SPATA19: variants seen among roughly 807,000 people sequenced by gnomAD.
The protein encoded by SPATA19 is spermatogenesis-associated protein 19, mitochondrial.
In SPATA19, 19 loss-of-function variants were observed where a neutral mutation model predicts 25.0. The observed-to-expected ratio is 0.76, with a 90% CI of 0.53 to 1.11. The LOEUF (loss-of-function observed/expected upper bound fraction) is 1.11. Among genes scored for constraint, SPATA19 ranks in the 50% most tolerant of loss-of-function variants. SPATA19 has a pLI of 0.00. For missense variants in SPATA19, 222 were observed against 211.4 expected (o/e 1.05, Z -0.31); for synonymous variants, 64 against 69.3 (o/e 0.92, Z 0.38).
At chr11:133,841,878 G>A (rs1215587238) in intron 6 of SPATA19, among the ~76,000 whole-genome samples, 152 bp downstream of exon 6, 6 of 152,182 alleles carry the variant, frequency 3.9e-5, no homozygotes, top group Non-Finnish European at 8.8e-5. Context: ...AAGGCAGCCA[G>A]CCCTCCTCTC....
chr11:133,838,043 G>A (rs117131838), downstream of SPATA19, among the ~76,000 whole-genome samples: 2,668 of 152,196 alleles, frequency 0.018, 31 homozygotes, highest in Admixed American at 0.026. Flanking sequence ...CCTATTTACC[G>A]CAGCTCCTTT....
At chr11:133,838,211 G>T (rs562852448), downstream of SPATA19, among the ~76,000 whole-genome samples, 20 of 152,278 alleles carry the variant, frequency 1.3e-4, no homozygotes, top group Non-Finnish European at 2.5e-4. Context: ...ATATGCTAAG[G>T]GCTCTAATGG....
intron 3 of SPATA19, 65 bp downstream of exon 3, chr11:133,844,444 G>A (rs919507697): frequency 4.3e-6 from 7 of 1,612,194 alleles, no homozygotes; most frequent in Non-Finnish European, 5.9e-6. Flanking sequence ...CATTTACGGT[G>A]CACCTCCCAC....
chr11:133,843,199 A>T (rs55801927), intron 4 of SPATA19, among the ~76,000 whole-genome samples: 1 of 151,924 alleles, frequency 6.6e-6, no homozygotes, highest in Non-Finnish European at 1.5e-5. Flanking sequence ...AAAGCTTAAA[A>T]CTAGTTTTTT....
At chr11:133,843,128 A>G (rs977400699) in intron 4 of SPATA19, among the ~76,000 whole-genome samples, 18 of 152,224 alleles carry the variant, frequency 1.2e-4, no homozygotes, top group Admixed American at 1.0e-3. Flanking sequence ...AAATCTTTGT[A>G]GAAAATCCAG....
chr11:133,842,660 C>T (rs747870896), intron 4 of SPATA19, 98 bp from the exon 5 acceptor site: 2 of 939,128 alleles, frequency 2.1e-6, no homozygotes, highest in Non-Finnish European at 3.5e-6. Flanking sequence ...AACAATGACT[C>T]TTGCCCTGAC....
At chr11:133,844,417 T>A in intron 3 of SPATA19, 80 bp from the exon 4 acceptor site, 1 of 1,611,042 alleles carries the variant, frequency 6.2e-7, no homozygotes, top group Non-Finnish European at 8.5e-7. Context: ...GACGAGCACC[T>A]CACCCTTGCC....
chr11:133,837,781 C>T (rs1479058013), downstream of SPATA19, among the ~76,000 whole-genome samples: 1 of 152,126 alleles, frequency 6.6e-6, no homozygotes, highest in East Asian at 1.9e-4. Flanking sequence ...ACGCACTTAT[C>T]ACCACAATAT....
chr11:133,842,120 G>A lies in SPATA19; in HGVS notation c.438-15C>T, dbSNP rs1257912168. 3.1e-6 allele frequency: 5 copies of A among 1,613,586 alleles called. No individual in the cohort carries two copies. The highest frequency in any genetic ancestry group is 4.2e-6 in the Non-Finnish European group (5 of 1,179,736). On this transcript the variant is annotated splice_polypyrimidine_tract_variant and intron_variant, in intron 5 of 6. Transcript: ENST00000299140. Reference sequence around the variant, plus strand: ...GACGGGATATGCTGCAGGGGACAGAGGAGAAGGGCCAGGTGGAGGGAGGCT... The same window carrying A: ...GACGGGATATGCTGCAGGGGACAGAAGAGAAGGGCCAGGTGGAGGGAGGCT...
intron 5 of SPATA19, 45 bp from the exon 6 acceptor site, chr11:133,842,150 G>A (rs766837753): frequency 6.3e-7 from 1 of 1,587,590 alleles, no homozygotes; most frequent in Non-Finnish European, 8.6e-7. Context: ...GAGGCTGCCT[G>A]ATAGCAGAGC....
At chr11:133,845,071 C>T (rs1017597500) in intron 2 of SPATA19, 63 bp downstream of exon 2, 46 of 1,405,564 alleles carry the variant, frequency 3.3e-5, no homozygotes, top group Non-Finnish European at 4.3e-5. Context: ...CAGATCCCCA[C>T]ACCCACTGAG....
rs1021824407 is a variant in SPATA19 at position 133,845,507 on chromosome 11, C to T, written c.-61G>A. On this transcript the variant is annotated 5_prime_UTR_variant, in exon 1 of 7. Transcript: ENST00000299140. ...TCCTTCCATTGAAGCTGCCTGAGAACTCCTATGGGACAGGAAGGTCATTGA... is the reference window on the plus strand; with the variant it reads ...TCCTTCCATTGAAGCTGCCTGAGAATTCCTATGGGACAGGAAGGTCATTGA... 7 of 1,568,742 alleles carry T rather than the reference C, an allele frequency of 4.5e-6. No homozygotes were observed. The highest frequency in any genetic ancestry group is 6.1e-6 in the Non-Finnish European group (7 of 1,142,670).
chr11:133,842,654 A>C, intron 4 of SPATA19, 92 bp from the exon 5 acceptor site: 1 of 987,234 alleles, frequency 1.0e-6, no homozygotes. Context: ...CCTGCAAACA[A>C]TGACTCTTGC....
At position 133,844,523 on chromosome 11, in the gene SPATA19, C is replaced by A. The variant is rs1044149846; in HGVS notation, c.253G>T (p.Val85Leu). ...SPPTHGQDIH[V>L]TRDVVKHHLS... ...CTCTCATTTACCACATCTCTGGTCA[C>A]GTGGATGTCCTGGCCATGGGTGGGA... Residue 85 changes from valine (V) to leucine (L), a missense_variant, in exon 3 of 7, where the codon GTG becomes TTG. By Grantham distance (32) the Val-to-Leu change is conservative. Coordinates refer to ENST00000299140, the MANE Select transcript of SPATA19 (RefSeq NM_174927.3). 1 of 1,614,174 alleles carries A rather than the reference C, an allele frequency of 6.2e-7. No homozygotes were observed. Among genetic ancestry groups the A allele is most frequent in the South Asian group, 1.1e-5 (1 of 91,082 alleles).
downstream of SPATA19, among the ~76,000 whole-genome samples, chr11:133,836,563 G>C (rs1938217337): frequency 6.6e-6 from 1 of 152,220 alleles, no homozygotes. Flanking sequence ...GCCATTTCAT[G>C]GCTGGATGAC....
At chr11:133,840,452 G>A (rs1938281303), downstream of SPATA19, among the ~76,000 whole-genome samples, 2 of 152,176 alleles carry the variant, frequency 1.3e-5, no homozygotes, top group African/African-American at 2.4e-5. Flanking sequence ...CCCAGCCACA[G>A]AGCACTCCTT....
At chr11:133,845,082 A>G in intron 2 of SPATA19, 52 bp downstream of exon 2, 1 of 1,509,386 alleles carries the variant, frequency 6.6e-7, no homozygotes, top group Non-Finnish European at 9.2e-7. Context: ...ACCCACTGAG[A>G]CCACTTCTCT....
At chr11:133,845,243 T>TGA in intron 1 of SPATA19, 53 bp from the exon 2 acceptor site, 1 of 1,555,102 alleles carries the variant, frequency 6.4e-7, no homozygotes, top group Non-Finnish European at 8.8e-7. Context: ...ATTCAGCTCT[T>TGA]CCCACCCAGC....
At chr11:133,841,516 C>T (rs1043967319) in intron 6 of SPATA19, among the ~76,000 whole-genome samples, 1 of 152,140 alleles carries the variant, frequency 6.6e-6, no homozygotes, top group Non-Finnish European at 1.5e-5. Context: ...ATTGGCCTTC[C>T]ACCTCCCAGG....
Sources: allele counts gnomAD v4.1 joint callset (sites outside exome capture counted in the v4.1 genomes callset), GRCh38; gene constraint gnomAD v4.1.1; transcripts MANE v1.5; gene names NCBI Gene and HGNC (gene_info 2026-07-23, HGNC 2026-07-21).